YTHDF3: variants seen among roughly 807,000 people sequenced by gnomAD.
The protein encoded by YTHDF3 is YTH domain-containing family protein 3.
In YTHDF3, 9 loss-of-function variants were observed where a neutral mutation model predicts 52.5. That is an observed-to-expected ratio of 0.17 (90% CI 0.10 to 0.30). The LOEUF is 0.30. Among genes scored for constraint, YTHDF3 ranks in the 10% least tolerant of loss-of-function variants. The pLI is 1.00. For synonymous variants in YTHDF3, 274 were observed against 243.3 expected, an observed-to-expected ratio of 1.13 and a Z score of -1.18; for missense variants, 534 against 715.0, an observed-to-expected ratio of 0.75 and a Z score of 2.89.
chr8:63,207,396 T>G (rs1233727585), intron 4 of YTHDF3, among the ~76,000 whole-genome samples: 1 of 152,150 alleles, frequency 6.6e-6, no homozygotes, highest in Non-Finnish European at 1.5e-5. Context: ...TTGATGGGCC[T>G]ACATTTATTG....
At chr8:63,181,924 G>A (rs1808165796) in intron 3 of YTHDF3, among the ~76,000 whole-genome samples, 1 of 152,138 alleles carries the variant, frequency 6.6e-6, no homozygotes, top group South Asian at 2.1e-4. Context: ...GATTAGATAT[G>A]CATAAATTAT....
At position 63,177,423 on chromosome 8, in the gene YTHDF3, A is replaced by G. The variant is rs115216536; in HGVS notation, c.135+2007A>G. 8.8e-3 allele frequency among the ~76,000 whole-genome samples: 1,345 copies of G among 152,350 alleles called. 10 individuals carry two copies. Among genetic ancestry groups the G allele is most frequent in the African/African-American group, 0.03 (1,263 of 41,576 alleles). On this transcript the variant is annotated intron_variant, in intron 3 of 4. Transcript: ENST00000539294. ...TCTCAGCAAAATTACTTTTCCACGT[A>G]AAGATTATGAAAGTAGATCATTTGT...
At chr8:63,197,174 G>A (rs1809294266) in intron 4 of YTHDF3, among the ~76,000 whole-genome samples, 1 of 152,212 alleles carries the variant, frequency 6.6e-6, no homozygotes, top group African/African-American at 2.4e-5. Flanking sequence ...GAAAGAGCAG[G>A]CTTTGCTCTC....
In YTHDF3 at chr8:63,211,148, A is replaced by G. The variant is rs1210683266; in HGVS notation, c.*1442A>G. On this transcript the variant is annotated 3_prime_UTR_variant, in exon 5 of 5. Coordinates refer to ENST00000539294, the MANE Select transcript of YTHDF3 (RefSeq NM_152758.6). The stretch of plus-strand genomic sequence containing the variant: ...CTTCAGCTCAAAGACCTAGTGATGG[A>G]TATTTCTTTGAGGCTTTCATTTATA... 3.9e-5 allele frequency: 6 copies of G among 152,500 alleles called. No individual in the cohort carries two copies. The allele number at this position is 152,500 out of a possible 1,614,324, so 9.4% of individuals were successfully genotyped here. A position where few individuals can be genotyped will look rare whatever the true frequency, so the allele number is the denominator to read the frequency against.
intron 1 of YTHDF3, 97 bp from the exon 2 acceptor site, chr8:63,169,290 T>G: frequency 1.4e-6 from 2 of 1,481,092 alleles, no homozygotes; most frequent in Non-Finnish European, 1.8e-6. Context: ...ACGCGGATAG[T>G]CTAAAATAAC....
chr8:63,185,909 C>T (rs1317415059), intron 3 of YTHDF3, among the ~76,000 whole-genome samples: 1 of 152,182 alleles, frequency 6.6e-6, no homozygotes, highest in East Asian at 1.9e-4. Flanking sequence ...TACCCCCACT[C>T]TCATCCCTGA....
chr8:63,203,750 C>T (rs563217417), intron 4 of YTHDF3, among the ~76,000 whole-genome samples: 1 of 152,060 alleles, frequency 6.6e-6, no homozygotes, highest in Admixed American at 6.6e-5. Context: ...ACAGTTTTTC[C>T]GTCTTGCTTT....
At chr8:63,180,469 A>C (rs1187416054) in intron 3 of YTHDF3, among the ~76,000 whole-genome samples, 1 of 146,866 alleles carries the variant, frequency 6.8e-6, no homozygotes, top group East Asian at 2.1e-4. Flanking sequence ...GGCCGGGCAG[A>C]GACGCTCCTC....
rs1650664144 is a variant in YTHDF3, at chr8:63,168,692, G to A, written c.-186G>A. 11 of 1,114,834 alleles carry A rather than the reference G, an allele frequency of 9.9e-6. No homozygotes were observed. Among genetic ancestry groups the A allele is most frequent in the Non-Finnish European group, 6.4e-6 (5 of 775,916 alleles). The allele number at this position is 1,114,834 out of a possible 1,614,324, so 69.1% of individuals were successfully genotyped here. A position where few individuals can be genotyped will look rare whatever the true frequency, so the allele number is the denominator to read the frequency against. On this transcript the variant is annotated 5_prime_UTR_variant, in exon 1 of 5. Transcript: ENST00000539294. ...CGAGAGGGGGAAGAGGAGCGTGCAA[G>A]CGGAAAAGACGGGCCTCTTCCTCCG... is the stretch of plus-strand genomic sequence containing the variant.
chr8:63,192,816 C>CTT (rs35989091), intron 4 of YTHDF3, among the ~76,000 whole-genome samples: 109 of 136,648 alleles, frequency 8.0e-4, no homozygotes, highest in African/African-American at 2.7e-3. Flanking sequence ...CTACTTATGC[C>CTT]TTTTTTTTTT....
At chr8:63,207,202 A>G (rs1347974336) in intron 4 of YTHDF3, among the ~76,000 whole-genome samples, 1 of 152,186 alleles carries the variant, frequency 6.6e-6, no homozygotes, top group Non-Finnish European at 1.5e-5. Flanking sequence ...TGTGTCTCCA[A>G]CAGTGGTTTT....
chr8:63,198,436 T>G lies in YTHDF3; in HGVS notation c.1734+10691T>G, dbSNP rs988889157. On this transcript the variant is annotated intron_variant, in intron 4 of 4. Transcript: ENST00000539294. Reference sequence around the variant, plus strand: ...TGTGCGCCACCATGGCTGGCTAATTTTTGTATTTTTAGTAGAGATGGGGTT... The same window carrying G: ...TGTGCGCCACCATGGCTGGCTAATTGTTGTATTTTTAGTAGAGATGGGGTT... Among the ~76,000 whole-genome samples, 4 of 152,212 alleles carry G rather than the reference T, an allele frequency of 2.6e-5. No homozygotes were observed. The South Asian group carries it at 6.2e-4, about 24-fold the overall frequency.
intron 3 of YTHDF3, among the ~76,000 whole-genome samples, chr8:63,182,156 A>T (rs1049213645): frequency 3.3e-5 from 5 of 151,114 alleles, no homozygotes; most frequent in Non-Finnish European, 7.4e-5. Flanking sequence ...GCAGCCTCGA[A>T]CTCCTGGGCC....
chr8:63,180,468 G>T (rs1461418811), intron 3 of YTHDF3, among the ~76,000 whole-genome samples: 8 of 151,394 alleles, frequency 5.3e-5, no homozygotes, highest in Non-Finnish European at 1.0e-4. Context: ...CGGCCGGGCA[G>T]AGACGCTCCT....
At chr8:63,198,415 C>T (rs1217514782) in intron 4 of YTHDF3, among the ~76,000 whole-genome samples, 1 of 151,994 alleles carries the variant, frequency 6.6e-6, no homozygotes, top group Non-Finnish European at 1.5e-5. Context: ...TACAGGTGTG[C>T]GCCACCATGG....
rs532916272 is a variant in YTHDF3 at position 63,209,400 on chromosome 8, G to A, written c.1735-283G>A. Among the ~76,000 whole-genome samples, 5 of 152,220 alleles carry A rather than the reference G, an allele frequency of 3.3e-5. No individual in the cohort carries two copies. The South Asian group carries it at 1.0e-3, about 32-fold the overall frequency. ...AACTCTTTGAAAGGACTGAAAAGAT[G>A]TTATTATATTCTCATCATAAACAAA... On this transcript the variant is annotated intron_variant, in intron 4 of 4. Transcript: ENST00000539294.
chr8:63,171,487 A>G (rs1807321797), intron 2 of YTHDF3, among the ~76,000 whole-genome samples: 1 of 152,192 alleles, frequency 6.6e-6, no homozygotes, highest in African/African-American at 2.4e-5. Context: ...AAGTATTGCT[A>G]ATTATTTAAG....
intron 4 of YTHDF3, among the ~76,000 whole-genome samples, chr8:63,202,752 C>T (rs1364410746): frequency 6.6e-6 from 1 of 152,026 alleles, no homozygotes; most frequent in Non-Finnish European, 1.5e-5. Flanking sequence ...CATGAGCCAC[C>T]GCACCTGGCC....
At chr8:63,175,651 G>T in intron 3 of YTHDF3, 1 of 362,818 alleles carries the variant, frequency 2.8e-6, no homozygotes, top group Non-Finnish European at 5.1e-6. Context: ...AGATTTGAAG[G>T]TGACCATTAT....
Sources: gnomAD v4.1 joint callset for allele counts (sites outside exome capture counted in the v4.1 genomes callset) on GRCh38, gnomAD v4.1.1 for gene constraint, MANE v1.5 for transcripts, NCBI Gene and HGNC (gene_info 2026-07-23, HGNC 2026-07-21) for gene names.